DMD: variants seen among roughly 807,000 people sequenced by gnomAD.
DMD encodes dystrophin.
A neutral mutation model predicts 330.1 loss-of-function variants in DMD; 63 were observed. The observed-to-expected ratio is 0.19, with a 90% CI of 0.16 to 0.24. The LOEUF is 0.24. Ranked by LOEUF, DMD falls within the 10% of genes least tolerant of loss-of-function variation. DMD has a pLI of 1.00. For missense variants in DMD, 3,344 were observed against 2,684.1 expected, an observed-to-expected ratio of 1.25 and a Z score of -5.43; for synonymous variants, 1,223 against 959.8, an observed-to-expected ratio of 1.27 and a Z score of -5.07.
chrX:32,248,755 C>T (rs2097252212), intron 43 of DMD, among the ~76,000 whole-genome samples: 2 of 110,909 alleles, frequency 1.8e-5, no homozygotes, highest in Non-Finnish European at 3.8e-5. Context: ...TCAAGAATAA[C>T]TTGGTGTGAC....
intron 67 of DMD, among the ~76,000 whole-genome samples, chrX:31,193,796 A>G (rs2042617403): frequency 9.0e-6 from 1 of 111,230 alleles, no homozygotes; most frequent in Non-Finnish European, 1.9e-5. Context: ...TTTGGCCAAA[A>G]AATGTTAACA....
At chrX:32,524,080 C>T (rs1603635474) in intron 17 of DMD, among the ~76,000 whole-genome samples, 2 of 109,019 alleles carry the variant, frequency 1.8e-5, no homozygotes, top group East Asian at 5.8e-4. Flanking sequence ...CCACAGGCGC[C>T]CGCCACCACG....
intron 65 of DMD, among the ~76,000 whole-genome samples, chrX:31,207,958 T>G (rs894667763): frequency 1.8e-5 from 2 of 110,761 alleles, no homozygotes; most frequent in Admixed American, 1.9e-4. Context: ...GTGACGTGAG[T>G]TTACCTATGT....
chrX:32,790,940 C>T (rs2075772506), intron 7 of DMD, among the ~76,000 whole-genome samples: 2 of 111,189 alleles, frequency 1.8e-5, no homozygotes, highest in African/African-American at 6.6e-5. Flanking sequence ...TTGCATGCAC[C>T]ACCAGGAGTC....
intron 9 of DMD, among the ~76,000 whole-genome samples, chrX:32,648,541 G>C (rs1015568136): frequency 2.7e-5 from 3 of 111,128 alleles, no homozygotes; most frequent in Non-Finnish European, 5.7e-5. Context: ...GTGCATATGG[G>C]TTTATTTTGA....
intron 4 of DMD, 39 bp downstream of exon 4, chrX:32,844,742 CTG>C (rs1472935641): frequency 1.8e-6 from 2 of 1,095,987 alleles, no homozygotes; most frequent in Admixed American, 4.4e-5. Flanking sequence ...ATGAAGCATG[CTG>C]TGTCACAGCA....
In DMD at chrX:32,438,862, G is replaced by T. The variant is rs148052603; in HGVS notation, c.3922-472C>A. ...TGACTTTGAGTGTGAGGTCCTTCAT[G>T]CTCAGGAAGAGAGAGCAGAGAGTGC... On this transcript the variant is annotated intron_variant, in intron 28 of 78. Transcript: ENST00000357033. Among the ~76,000 whole-genome samples the T allele has an allele frequency of 5.7e-3, 637 of 111,739 alleles. 5 individuals carry two copies. The highest frequency in any genetic ancestry group is 0.02 in the African/African-American group (612 of 30,759).
chrX:32,997,468 A>G (rs1307686277), intron 2 of DMD, among the ~76,000 whole-genome samples: 2 of 110,562 alleles, frequency 1.8e-5, no homozygotes, highest in African/African-American at 3.3e-5. Flanking sequence ...CTGGTCTCGA[A>G]CTCCTGACCT....
chrX:31,417,785 T>C (rs1327521962), intron 60 of DMD, among the ~76,000 whole-genome samples: 1 of 107,699 alleles, frequency 9.3e-6, no homozygotes, highest in East Asian at 2.9e-4. Context: ...CCTCCTGAGT[T>C]CAAGTGATTC....
chrX:33,193,651 G>A (rs529710570), intron 1 of DMD, among the ~76,000 whole-genome samples: 3 of 112,114 alleles, frequency 2.7e-5, no homozygotes, highest in South Asian at 3.7e-4. Flanking sequence ...CAATTGAAAC[G>A]CGCATGCAAA....
At chrX:31,692,212 G>A (rs2083171141) in intron 52 of DMD, among the ~76,000 whole-genome samples, 2 of 111,771 alleles carry the variant, frequency 1.8e-5, no homozygotes, top group Non-Finnish European at 3.8e-5. Flanking sequence ...TAAAAGTCTT[G>A]AGACAAACAG....
chrX:32,783,439 A>G (rs907162548), intron 7 of DMD, among the ~76,000 whole-genome samples: 8 of 107,817 alleles, frequency 7.4e-5, no homozygotes, highest in Admixed American at 2.0e-4. Context: ...TCCAAAAAAA[A>G]TAAATTGTTT....
chrX:32,511,524 G>GAAAAAAAAA (rs67754841), intron 18 of DMD, among the ~76,000 whole-genome samples: 20 of 49,720 alleles, frequency 4.0e-4, no homozygotes, highest in Admixed American at 6.4e-4. Flanking sequence ...TCCGTCTCGG[G>GAAAAAAAAA]AAAAAAAAAA....
intron 12 of DMD, among the ~76,000 whole-genome samples, chrX:32,611,675 G>A (rs1045729257): frequency 5.4e-5 from 6 of 111,286 alleles, no homozygotes; most frequent in Non-Finnish European, 7.6e-5. Flanking sequence ...TAGGTTATCC[G>A]TACTTAGCTA....
At chrX:33,220,775 A>AT (rs1049662855) in intron 1 of DMD, among the ~76,000 whole-genome samples, 2 of 110,785 alleles carry the variant, frequency 1.8e-5, no homozygotes, top group African/African-American at 6.5e-5. Context: ...TATGAAGATT[A>AT]TTTTTTTTAG....
chrX:32,883,846 A>AAAGAAAAG (rs1557113666), intron 2 of DMD, among the ~76,000 whole-genome samples: 3 of 101,965 alleles, frequency 2.9e-5, no homozygotes, highest in African/African-American at 1.1e-4. Context: ...AAAAAAAAAA[A>AAAGAAAAG]AAAAAGAAAA....
At chrX:31,923,773 T>G (rs1321409911) in intron 47 of DMD, among the ~76,000 whole-genome samples, 1 of 110,838 alleles carries the variant, frequency 9.0e-6, no homozygotes, top group African/African-American at 3.3e-5. Context: ...AATTTTTGTA[T>G]TTTTAATAGA....
chrX:32,345,913 C>A (rs72468623), intron 39 of DMD, 30 bp downstream of exon 39: 10 of 1,200,775 alleles, frequency 8.3e-6, no homozygotes, highest in Non-Finnish European at 1.1e-5. Flanking sequence ...AAACCACAGG[C>A]AAGGTATATT....
chrX:32,045,892 A>C (rs908539009), intron 44 of DMD, among the ~76,000 whole-genome samples: 2 of 112,462 alleles, frequency 1.8e-5, no homozygotes, highest in African/African-American at 6.5e-5. Flanking sequence ...GAGGTGATAA[A>C]ATTATTGGCA....
Sources: gnomAD v4.1 joint callset for allele counts (sites outside exome capture counted in the v4.1 genomes callset) on GRCh38, gnomAD v4.1.1 for gene constraint, MANE v1.5 for transcripts, NCBI Gene and HGNC (gene_info 2026-07-23, HGNC 2026-07-21) for gene names.